PARD3B: variants seen among roughly 807,000 people sequenced by gnomAD.
The protein encoded by PARD3B is par-3 family cell polarity regulator beta.
Under a neutral mutation model 130.2 loss-of-function variants are expected in PARD3B, and 103 were observed. That is an observed-to-expected ratio of 0.79 (90% confidence interval 0.67 to 0.93). The LOEUF is 0.93. Among genes scored for constraint, PARD3B ranks in the 40% least tolerant of loss-of-function variants. The pLI, the probability that PARD3B is intolerant of heterozygous loss-of-function variation, is 0.00. For synonymous variants in PARD3B, 583 were observed against 553.2 expected (o/e 1.05, Z -0.76); for missense variants, 1,609 against 1,499.2 (o/e 1.07, Z -1.21).
chr2:204,554,010 A>T (rs2030735143), intron 1 of PARD3B, among the ~76,000 whole-genome samples: 2 of 152,074 alleles, frequency 1.3e-5, no homozygotes, highest in African/African-American at 4.8e-5. Context: ...CATGTAATGA[A>T]TCACCACCTG....
intron 4 of PARD3B, among the ~76,000 whole-genome samples, chr2:205,075,499 A>G (rs564708677): frequency 6.6e-6 from 1 of 152,146 alleles, no homozygotes; most frequent in South Asian, 2.1e-4. Flanking sequence ...CCAAGATCAT[A>G]TATTAAGAAA....
intron 1 of PARD3B, among the ~76,000 whole-genome samples, chr2:204,620,908 A>G (rs548797812): frequency 7.1e-6 from 1 of 140,670 alleles, no homozygotes; most frequent in East Asian, 2.1e-4. Flanking sequence ...CCCTATGCTG[A>G]GAGACTTTGA....
At chr2:205,090,437 T>A (rs1224723439) in intron 4 of PARD3B, among the ~76,000 whole-genome samples, 1 of 152,210 alleles carries the variant, frequency 6.6e-6, no homozygotes, top group Non-Finnish European at 1.5e-5. Flanking sequence ...ATATTAAAAG[T>A]ACAGTTCAGG....
chr2:205,209,371 G>A (rs2037498325), intron 15 of PARD3B, among the ~76,000 whole-genome samples: 1 of 151,956 alleles, frequency 6.6e-6, no homozygotes, highest in Admixed American at 6.6e-5. Context: ...TTGACAAATG[G>A]GATCTAATTA....
chr2:204,550,334 T>C (rs2125041708), intron 1 of PARD3B, among the ~76,000 whole-genome samples: 1 of 152,180 alleles, frequency 6.6e-6, no homozygotes, highest in Middle Eastern at 3.4e-3. Flanking sequence ...TCAGTACACG[T>C]AGTTTTTTTT....
At chr2:205,392,238 G>A (rs141269742) in intron 18 of PARD3B, among the ~76,000 whole-genome samples, 120 of 152,288 alleles carry the variant, frequency 7.9e-4, no homozygotes, top group African/African-American at 8.9e-4. Context: ...GTTGTAGAAC[G>A]TTATAGGACC....
chr2:204,787,597 A>G (rs1255227036), intron 2 of PARD3B, among the ~76,000 whole-genome samples: 1 of 152,164 alleles, frequency 6.6e-6, no homozygotes, highest in Non-Finnish European at 1.5e-5. Flanking sequence ...ATGACCATGT[A>G]AGTGAAAGAG....
At chr2:204,840,707 T>C (rs1291702967) in intron 2 of PARD3B, among the ~76,000 whole-genome samples, 2 of 152,194 alleles carry the variant, frequency 1.3e-5, no homozygotes, top group Non-Finnish European at 2.9e-5. Flanking sequence ...ATCCAGGGTT[T>C]CATCTTCTGC....
chr2:205,234,342 A>T (rs1207898054), intron 15 of PARD3B, among the ~76,000 whole-genome samples: 1 of 152,202 alleles, frequency 6.6e-6, no homozygotes, highest in Non-Finnish European at 1.5e-5. Context: ...ACTTAAAAGT[A>T]AAAGGAAGGA....
At chr2:205,038,307 T>C (rs985574522) in intron 3 of PARD3B, among the ~76,000 whole-genome samples, 6 of 152,160 alleles carry the variant, frequency 3.9e-5, no homozygotes, top group Non-Finnish European at 8.8e-5. Flanking sequence ...TATTTGTTTA[T>C]TTCAGTTAGT....
chr2:205,450,003 C>T (rs1222908802), intron 20 of PARD3B, among the ~76,000 whole-genome samples: 1 of 152,158 alleles, frequency 6.6e-6, no homozygotes, highest in Non-Finnish European at 1.5e-5. Flanking sequence ...ATAGATTTAT[C>T]TTTCCAGGGC....
chr2:204,789,934 G>A (rs1332595902), intron 2 of PARD3B, among the ~76,000 whole-genome samples: 28 of 150,618 alleles, frequency 1.9e-4, no homozygotes, highest in Non-Finnish European at 3.4e-4. Context: ...GCAGTGGCGC[G>A]ATCTCGGCTC....
At chr2:204,553,170 TA>T (rs1219817534) in intron 1 of PARD3B, among the ~76,000 whole-genome samples, 1 of 152,096 alleles carries the variant, frequency 6.6e-6, no homozygotes, top group Non-Finnish European at 1.5e-5. Context: ...TCAACATCAC[TA>T]ATGATCAGGG....
intron 1 of PARD3B, among the ~76,000 whole-genome samples, chr2:204,611,615 A>G (rs561252856): frequency 3.9e-5 from 6 of 152,340 alleles, no homozygotes; most frequent in African/African-American, 1.4e-4. Context: ...GACTTTTAGC[A>G]TCAGTAAGAT....
intron 4 of PARD3B, among the ~76,000 whole-genome samples, chr2:205,067,574 C>T (rs1177163233): frequency 1.3e-5 from 2 of 152,012 alleles, no homozygotes; most frequent in Non-Finnish European, 2.9e-5. Flanking sequence ...AAGAAAATTT[C>T]TAAAATGAAT....
At chr2:204,916,786 A>G (rs890751084) in intron 2 of PARD3B, among the ~76,000 whole-genome samples, 3 of 152,216 alleles carry the variant, frequency 2.0e-5, no homozygotes, top group Non-Finnish European at 4.4e-5. Context: ...TACATAAATA[A>G]TCCTTTTTAA....
chr2:204,851,047 T>C (rs2044688602), intron 2 of PARD3B, among the ~76,000 whole-genome samples: 1 of 152,212 alleles, frequency 6.6e-6, no homozygotes, highest in Non-Finnish European at 1.5e-5. Flanking sequence ...GGGAGAATGC[T>C]TCTCAGGTCA....
intron 15 of PARD3B, among the ~76,000 whole-genome samples, chr2:205,232,345 G>T (rs1323249712): frequency 1.3e-5 from 2 of 152,124 alleles, no homozygotes; most frequent in East Asian, 1.9e-4. Flanking sequence ...CTAGCTACTT[G>T]GGAGGCTTGA....
At chr2:204,764,587 T>A (rs796304133) in intron 2 of PARD3B, among the ~76,000 whole-genome samples, 1 of 152,082 alleles carries the variant, frequency 6.6e-6, no homozygotes, top group Admixed American at 6.6e-5. Context: ...TTACTAAGAT[T>A]GAAAGAAAAC....
Sources: allele counts gnomAD v4.1 joint callset (sites outside exome capture counted in the v4.1 genomes callset), GRCh38; gene constraint gnomAD v4.1.1; transcripts MANE v1.5; gene names NCBI Gene and HGNC (gene_info 2026-07-23, HGNC 2026-07-21).